The following APC2 variants were observed in gnomAD, a reference collection of about 807,000 sequenced individuals.
APC2 encodes APC regulator of Wnt signaling pathway 2, also known as adenomatous polyposis coli protein 2.
Under a neutral mutation model 72.5 loss-of-function variants are expected in APC2, and 41 were observed. That is an observed-to-expected ratio of 0.57 (90% CI 0.44 to 0.73). APC2 has a LOEUF of 0.73. Among genes scored for constraint, APC2 ranks in the 30% least tolerant of loss-of-function variants. The probability of loss-of-function intolerance (pLI) is 0.00; values close to 1 mark genes in which losing one functional copy is unlikely to be tolerated. For missense variants in APC2, 3,729 were observed against 3,403.4 expected, an observed-to-expected ratio of 1.10 and a Z score of -2.38; for synonymous variants, 1,898 against 1,612.0, an observed-to-expected ratio of 1.18 and a Z score of -4.25.
In APC2 at chr19:1,457,229, G is replaced by T. The variant is rs913607255; in HGVS notation, c.1193G>T (p.Gly398Val). ...GCCCGAGACGGCGGGCCCGAGGGAGGTGGCGCCGGCAGCGGTGAGTGCCTG... is the reference window on the plus strand; with the variant it reads ...GCCCGAGACGGCGGGCCCGAGGGAGTTGGCGCCGGCAGCGGTGAGTGCCTG... ...LQARDGGPEG[G>V]GAGSAPIPIE... Residue 398 changes from glycine (G) to valine (V), a missense_variant, in exon 9 of 15, where the codon GGT becomes GTT. Transcript: ENST00000590469. 2.6e-6 allele frequency: 4 copies of T among 1,534,978 alleles called. No individual in the cohort carries two copies. Among genetic ancestry groups the T allele is most frequent in the Non-Finnish European group, 1.7e-6 (2 of 1,144,150 alleles).
chr19:1,453,514 G>T lies in APC2; in HGVS notation c.316G>T (p.Glu106Ter). ...CCCGGAGCCTGCCGCCCGGACCCCCGAGGGCAGCCCAGTACACGGCTCCGG... is the reference window on the plus strand; with the variant it reads ...CCCGGAGCCTGCCGCCCGGACCCCCTAGGGCAGCCCAGTACACGGCTCCGG... ...LGPEPAARTP[E>*]GSPVHGSGPS... The change falls in exon 4 of 15, where the codon GAG (glutamate) becomes TAG (stop). Residue 106 changes from glutamate to a stop codon, truncating the protein, a stop_gained. Transcript: ENST00000590469. LOFTEE classifies it high-confidence loss of function. 6.2e-7 allele frequency: 1 copy of T among 1,609,962 alleles called. No individual in the cohort carries two copies. The highest frequency in any genetic ancestry group is 8.5e-7 in the Non-Finnish European group (1 of 1,178,196).
chr19:1,447,797 G>C (rs539807339), upstream of APC2, among the ~76,000 whole-genome samples: 4 of 152,302 alleles, frequency 2.6e-5, no homozygotes, highest in South Asian at 4.1e-4. Context: ...GGGAGGTTCA[G>C]TGTCACTCCG....
At position 1,453,237 on chromosome 19, in the gene APC2, G is replaced by A. The variant is rs367639985; in HGVS notation, c.142-10G>A. ...CTGATGGCTTCCCGCCCTCTTTCCC[G>A]CCCCTGCAGGAGGTCCTGAAGCACC... On this transcript the variant is annotated splice_polypyrimidine_tract_variant and intron_variant, in intron 2 of 14. Coordinates refer to ENST00000590469, the MANE Select transcript of APC2 (RefSeq NM_005883.3). 2.4e-5 allele frequency: 37 copies of A among 1,559,042 alleles called. No individual in the cohort carries two copies. Among genetic ancestry groups the A allele is most frequent in the South Asian group, 1.2e-4 (10 of 85,364 alleles).
At position 1,471,176 on chromosome 19, in the gene APC2, C is replaced by G. The variant is rs1409005808; in HGVS notation, c.*963C>G. On this transcript the variant is annotated 3_prime_UTR_variant, in exon 15 of 15. Transcript: ENST00000590469. The stretch of plus-strand genomic sequence containing the variant: ...GACCTGGAGCCCGCGCTGGCCTCTC[C>G]CCAGCGGAGCCTGCACGTTACGGAG... The G allele has an allele frequency of 6.6e-6, 1 of 152,468 alleles. No homozygotes were observed. The allele number at this position is 152,468 out of a possible 1,614,324, so 9.4% of individuals were successfully genotyped here. A position where few individuals can be genotyped will look rare whatever the true frequency, so the allele number is the denominator to read the frequency against.
rs1450759576 is a variant in APC2, at chr19:1,473,095, G to A, written c.*2882G>A. ...AGCCGCCACCCCACGTTTCTGTACC[G>A]GGTCTCTGCAGTGTTAAACGGACGT... On this transcript the variant is annotated 3_prime_UTR_variant, in exon 15 of 15. Coordinates refer to ENST00000590469, the MANE Select transcript of APC2 (RefSeq NM_005883.3). 1 of 152,350 alleles carries A rather than the reference G, an allele frequency of 6.6e-6. No homozygotes were observed. The highest frequency in any genetic ancestry group is 1.5e-5 in the Non-Finnish European group (1 of 68,108). 9.4% of individuals were successfully genotyped at this position (152,350 alleles called of 1,614,324 possible). A position where few individuals can be genotyped will look rare whatever the true frequency, so the allele number is the denominator to read the frequency against.
In APC2 at chr19:1,455,943, G is replaced by GGCGAA. The variant is rs2083816815; in HGVS notation, c.640-132_640-131insCGAAG. On this transcript the variant is annotated intron_variant, in intron 6 of 14. Coordinates refer to ENST00000590469, the MANE Select transcript of APC2 (RefSeq NM_005883.3). ...TGGATCAGGGAGAAGGCAGAGGTAG[G>GGCGAA]GTCAGGGCCTGGGGCGGGGTTATCA... 17 of 298,438 alleles carry GGCGAA rather than the reference G, an allele frequency of 5.7e-5. No homozygotes were observed. The East Asian group carries it at 1.9e-3, about 33-fold the overall frequency. 18.5% of individuals were successfully genotyped at this position (298,438 alleles called of 1,614,324 possible).
Position 1,453,388 on chromosome 19 carries a change from G to T in APC2, c.233-43G>T, listed in dbSNP as rs374078927. On this transcript the variant is annotated intron_variant, in intron 3 of 14. Coordinates refer to ENST00000590469, the MANE Select transcript of APC2 (RefSeq NM_005883.3). The stretch of plus-strand genomic sequence containing the variant: ...GGAGTGGGGGAGGCTGGGGGGAAAG[G>T]CAGGCAGGGCCGCTGACCTCCGCCC... 4 of 1,610,408 alleles carry T rather than the reference G, an allele frequency of 2.5e-6. No individual in the cohort carries two copies. The Admixed American group carries it at 5.0e-5, about 20-fold the overall frequency.
chr19:1,457,725 A>G, intron 9 of APC2: 2 of 581,794 alleles, frequency 3.4e-6, no homozygotes, highest in Non-Finnish European at 6.1e-6. Flanking sequence ...AAAGGGCAGA[A>G]GCACAGCTGA....
intron 1 of APC2, chr19:1,451,269 G>A (rs1487908216): frequency 1.3e-5 from 2 of 152,812 alleles, no homozygotes; most frequent in Non-Finnish European, 2.9e-5. Context: ...CAGCTGAGAA[G>A]AACCACGTGG....
At position 1,460,841 on chromosome 19, in the gene APC2, G is replaced by C. The variant is rs1568173332; in HGVS notation, c.1505G>C (p.Ser502Thr). The C allele has an allele frequency of 6.2e-7, 1 of 1,613,222 alleles. No individual in the cohort carries two copies. The highest frequency in any genetic ancestry group is 8.5e-7 in the Non-Finnish European group (1 of 1,179,958). ...EAIVAQLASDSEELHQVVSSI... is the reference protein window; with the variant it reads ...EAIVAQLASDTEELHQVVSSI... ...ATCGTGGCCCAGCTGGCCTCCGACAGTGAGGAGCTCCACCAGGTACAGGGC... is the reference window on the plus strand; with the variant it reads ...ATCGTGGCCCAGCTGGCCTCCGACACTGAGGAGCTCCACCAGGTACAGGGC... The change falls in exon 12 of 15, where the codon AGT becomes ACT. Residue 502 changes from serine to threonine, a missense_variant. Physicochemically the swap from Ser to Thr is moderately conservative, Grantham distance 58. Transcript: ENST00000590469.
rs766907324 is a variant in APC2, at chr19:1,466,734, T to C, written c.3433T>C (p.Ser1145Pro). The C allele has an allele frequency of 4.5e-5, 69 of 1,542,412 alleles. No individual in the cohort carries two copies. In the Admixed American group the frequency reaches 9.8e-4, roughly 22 times the overall value. The change falls in exon 15 of 15, where the codon TCC becomes CCC. Residue 1145 changes from serine to proline, a missense_variant. Physicochemically the swap from Ser to Pro is moderately conservative, Grantham distance 74. Coordinates refer to ENST00000590469, the MANE Select transcript of APC2 (RefSeq NM_005883.3). ...CCTGGGGGTGGAAGACGCCACGCCG[T>C]CCAGCTCGTCGGAGAACTACGTGCA... ...RGLGVEDATP[S>P]SSSENYVQET...
At chr19:1,459,813 G>A (rs537338498) in intron 10 of APC2, among the ~76,000 whole-genome samples, 1 of 152,168 alleles carries the variant, frequency 6.6e-6, no homozygotes, top group Non-Finnish European at 1.5e-5. Flanking sequence ...TGATGGTCTT[G>A]GGGTGTATTA....
chr19:1,468,388 T>C lies in APC2; in HGVS notation c.5087T>C (p.Ile1696Thr), dbSNP rs1299563663. 1.9e-6 allele frequency: 3 copies of C among 1,581,788 alleles called. No homozygotes were observed. Among genetic ancestry groups the C allele is most frequent in the Non-Finnish European group, 2.6e-6 (3 of 1,162,440 alleles). Residue 1696 changes from isoleucine (I) to threonine (T), a missense_variant, in exon 15 of 15, where the codon ATT (isoleucine) becomes ACT (threonine). Physicochemically the swap from Ile to Thr is moderately conservative, Grantham distance 89 (BLOSUM62 -1). Transcript: ENST00000590469. ...GCCATCCAGGAGGGCGCCAATTCAA[T>C]TGTCACGTGGCTGCACCAGGCAGCA... is the stretch of plus-strand genomic sequence containing the variant. ...WRAIQEGANS[I>T]VTWLHQAAAA...
At chr19:1,457,895 C>CGGGGGGGGCGGG (rs71174372) in intron 9 of APC2, 70 bp from the exon 10 acceptor site, 1 of 1,067,862 alleles carries the variant, frequency 9.4e-7, no homozygotes, top group East Asian at 3.2e-5. Flanking sequence ...GGGCGGGTTG[C>CGGGGGGGGCGGG]GGGACCTTCG....
chr19:1,457,123 C>T lies in APC2; in HGVS notation c.1087C>T (p.Leu363=), dbSNP rs2083844286. The T allele has an allele frequency of 1.9e-6, 3 of 1,588,798 alleles. No individual in the cohort carries two copies. Among genetic ancestry groups the T allele is most frequent in the Non-Finnish European group, 2.6e-6 (3 of 1,170,818 alleles). The change falls in exon 9 of 15, where the codon CTG becomes TTG. Residue 363 remains leucine (L), a synonymous_variant. Coordinates refer to ENST00000590469, the MANE Select transcript of APC2 (RefSeq NM_005883.3). ...NIVFSQPDQG[L]ARKEMRVLHV... is the part of the protein sequence containing the mutation. Reference sequence around the variant, plus strand: ...CGTCTTCTCGCAGCCGGACCAGGGCCTGGCGCGCAAGGAGATGCGCGTCCT... The same window carrying T: ...CGTCTTCTCGCAGCCGGACCAGGGCTTGGCGCGCAAGGAGATGCGCGTCCT...
Position 1,468,116 on chromosome 19 carries a change from G to C in APC2, c.4815G>C (p.Ala1605=), listed in dbSNP as rs2084057063. The C allele has an allele frequency of 6.6e-7, 1 of 1,518,774 alleles. No homozygotes were observed. Among genetic ancestry groups the C allele is most frequent in the Non-Finnish European group, 8.8e-7 (1 of 1,140,872 alleles). The allele number at this position is 1,518,774 out of a possible 1,614,324, so 94.1% of individuals were successfully genotyped here. Residue 1605 remains alanine (A), a synonymous_variant, in exon 15 of 15, where the codon GCG becomes GCC. Transcript: ENST00000590469. ...TCCATCCACGAGGCCGGGAGCCCGC[G>C]GTCACCAAGGACCCGGGCCCAGGAG... ...PAVHPRGREP[A]VTKDPGPGGG... is the part of the protein sequence containing the mutation.
chr19:1,469,154 G>A lies in APC2; in HGVS notation c.5853G>A (p.Pro1951=), dbSNP rs2084084656. Residue 1951 remains proline, a synonymous_variant, in exon 15 of 15, where the codon CCG becomes CCA. Coordinates refer to ENST00000590469, the MANE Select transcript of APC2 (RefSeq NM_005883.3). The part of the protein sequence containing the change: ...PPPLARAVPE[P]GPRGRAGTEA... ...CGCTGGCTCGGGCAGTCCCGGAGCC[G>A]GGCCCCAGGGGCCGGGCGGGGACCG... The A allele has an allele frequency of 1.0e-5, 13 of 1,280,148 alleles. No homozygotes were observed. The highest frequency in any genetic ancestry group is 4.2e-5 in the Admixed American group (1 of 23,600). The allele number at this position is 1,280,148 out of a possible 1,614,324, so 79.3% of individuals were successfully genotyped here.
rs2084089239 is a variant in APC2 at position 1,469,342 on chromosome 19, C to T, written c.6041C>T (p.Ala2014Val). 3 of 1,364,264 alleles carry T rather than the reference C, an allele frequency of 2.2e-6. No individual in the cohort carries two copies. Among genetic ancestry groups the T allele is most frequent in the African/African-American group, 3.1e-5 (2 of 65,472 alleles). 84.5% of individuals were successfully genotyped at this position (1,364,264 alleles called of 1,614,324 possible). Residue 2014 changes from alanine to valine, a missense_variant, in exon 15 of 15, where the codon GCC (alanine) becomes GTC (valine). Physicochemically the swap from Ala to Val is moderately conservative, Grantham distance 64 (BLOSUM62 0). Coordinates refer to ENST00000590469, the MANE Select transcript of APC2 (RefSeq NM_005883.3). ...LRRRRSELSS[A>V]ESAASAPQGA... is the part of the protein sequence containing the mutation. ...CGCCGCCGCTCCGAGCTGTCCTCGG[C>T]CGAGTCCGCGGCCTCTGCCCCCCAG...
At position 1,470,024 on chromosome 19, in the gene APC2, C is replaced by G; in HGVS notation, c.6723C>G (p.Ser2241=). The G allele has an allele frequency of 6.4e-7, 1 of 1,557,388 alleles. No individual in the cohort carries two copies. Among genetic ancestry groups the G allele is most frequent in the South Asian group, 1.2e-5 (1 of 85,660 alleles). The change falls in exon 15 of 15, where the codon TCC becomes TCG. Residue 2241 remains serine (S), a synonymous_variant. Coordinates refer to ENST00000590469, the MANE Select transcript of APC2 (RefSeq NM_005883.3). ...DGPSLAKAPI[S]APFVHEGLGV... is the part of the protein sequence containing the mutation. ...CCAGCCTCGCCAAGGCTCCCATCTC[C>G]GCACCCTTCGTGCACGAGGGCCTGG...
Sources: gnomAD v4.1 joint callset for allele counts (sites outside exome capture counted in the v4.1 genomes callset) on GRCh38, gnomAD v4.1.1 for gene constraint, MANE v1.5 for transcripts, NCBI Gene and HGNC (gene_info 2026-07-23, HGNC 2026-07-21) for gene names.